Variants in PIGF observed in about 807,000 individuals in gnomAD.
PIGF encodes the protein GPI ethanolamine phosphate transferase, stabilizing subunit.
PIGF carries 23 observed loss-of-function variants against 26.0 expected under a neutral mutation model. That is an observed-to-expected ratio of 0.88 (90% confidence interval 0.64 to 1.25). The LOEUF (loss-of-function observed/expected upper bound fraction) is 1.25. Among genes scored for constraint, PIGF ranks in the 50% most tolerant of loss-of-function variants. The pLI, the probability that PIGF is intolerant of heterozygous loss-of-function variation, is 0.00. For missense variants in PIGF, 278 were observed against 249.9 expected, an observed-to-expected ratio of 1.11 and a Z score of -0.76; for synonymous variants, 93 against 92.6, an observed-to-expected ratio of 1.00 and a Z score of -0.03.
At chr2:46,585,350 C>G (rs766182291) in intron 5 of PIGF, among the ~76,000 whole-genome samples, 21 of 152,072 alleles carry the variant, frequency 1.4e-4, no homozygotes, top group Non-Finnish European at 8.8e-5. Flanking sequence ...GAAGAAACAA[C>G]CTATGGTGTA....
chr2:46,595,638 T>C (rs1383305678), intron 4 of PIGF, among the ~76,000 whole-genome samples: 2 of 152,228 alleles, frequency 1.3e-5, no homozygotes, highest in Non-Finnish European at 2.9e-5. Context: ...TGTTAGGTCC[T>C]ATGGAAACTC....
intron 5 of PIGF, chr2:46,582,571 C>A (rs1018022035): frequency 6.6e-6 from 1 of 152,406 alleles, no homozygotes; most frequent in African/African-American, 2.4e-5. Flanking sequence ...GAAACAATCT[C>A]ATCACATTTT....
chr2:46,585,500 C>T (rs147625019), intron 5 of PIGF, among the ~76,000 whole-genome samples: 3 of 152,174 alleles, frequency 2.0e-5, no homozygotes, highest in African/African-American at 7.2e-5. Context: ...CTCAGTTTCC[C>T]CTACAGAACA....
At chr2:46,597,380 G>T (rs975170160) in intron 4 of PIGF, among the ~76,000 whole-genome samples, 7 of 151,704 alleles carry the variant, frequency 4.6e-5, no homozygotes, top group Admixed American at 3.9e-4. Context: ...TAATTTTTGG[G>T]AATCATTCTG....
chr2:46,609,767 A>C (rs34544165), intron 4 of PIGF, among the ~76,000 whole-genome samples: 1 of 152,096 alleles, frequency 6.6e-6, no homozygotes, highest in African/African-American at 2.4e-5. Flanking sequence ...GAAGATGTAC[A>C]ACATTTATTA....
chr2:46,612,314 A>T lies in PIGF; in HGVS notation c.351T>A (p.Val117=). The T allele has an allele frequency of 6.8e-7, 1 of 1,467,760 alleles. No individual in the cohort carries two copies. The highest frequency in any genetic ancestry group is 1.4e-5 in the South Asian group (1 of 71,788). 90.9% of individuals were successfully genotyped at this position (1,467,760 alleles called of 1,614,324 possible). A position where few individuals can be genotyped will look rare whatever the true frequency, so the allele number is the denominator to read the frequency against. The change falls in exon 4 of 6, where the codon GTT becomes GTA. Residue 117 remains valine (V), a synonymous_variant. Coordinates refer to ENST00000281382, the MANE Select transcript of PIGF (RefSeq NM_002643.4). ...GCACAGTAGTAAAAGTAGACAAAAT[A>T]ACTGCAAATAAAAATGTTTCCAATG... ...ELALETFLFA[V]ILSTFTTVPC...
intron 1 of PIGF, 55 bp downstream of exon 1, chr2:46,616,915 G>A (rs1018372101): frequency 7.5e-6 from 3 of 401,518 alleles, no homozygotes; most frequent in Admixed American, 4.4e-5. Context: ...GGCAATTCGC[G>A]GGGGTAGCTT....
At chr2:46,608,773 A>AT (rs549196464) in intron 4 of PIGF, among the ~76,000 whole-genome samples, 17 of 150,710 alleles carry the variant, frequency 1.1e-4, no homozygotes, top group South Asian at 4.2e-4. Context: ...TTTTGAAAGG[A>AT]TTTTTTTTTT....
rs1417122693 is a variant in PIGF at position 46,611,580 on chromosome 2, C to A, written c.437+648G>T. On this transcript the variant is annotated intron_variant, in intron 4 of 5. Coordinates refer to ENST00000281382, the MANE Select transcript of PIGF (RefSeq NM_002643.4). ...GCACAGACTAAGTGCTCAAGAAGTT[C>A]TTGCTGCTGGGTGATAAATAGGAAA... is the stretch of plus-strand genomic sequence containing the variant. Among the ~76,000 whole-genome samples the A allele has an allele frequency of 2.0e-5, 3 of 152,062 alleles. No individual in the cohort carries two copies. In the East Asian group the frequency reaches 5.8e-4, roughly 29 times the overall value.
intron 2 of PIGF, chr2:46,614,144 T>C (rs140942837): frequency 5.5e-4 from 87 of 158,848 alleles, no homozygotes; most frequent in Middle Eastern, 6.1e-3. Flanking sequence ...TATGCGATGA[T>C]AGAGGAAATA....
At chr2:46,591,737 G>T in intron 5 of PIGF, 1 of 1,147,912 alleles carries the variant, frequency 8.7e-7, no homozygotes. Flanking sequence ...GTGACCTTGG[G>T]AATGTTACAT....
chr2:46,612,799 C>G (rs1670467676), intron 3 of PIGF, among the ~76,000 whole-genome samples: 2 of 152,126 alleles, frequency 1.3e-5, no homozygotes, highest in African/African-American at 4.8e-5. Flanking sequence ...GCTGGATAAA[C>G]TAAAGATTGG....
Position 46,615,037 on chromosome 2 carries a change from C to G in PIGF, c.128G>C (p.Trp43Ser). Residue 43 changes from tryptophan (W) to serine (S), a missense_variant, in exon 2 of 6, where the codon TGG becomes TCG. Coordinates refer to ENST00000281382, the MANE Select transcript of PIGF (RefSeq NM_002643.4). ...TACAAAACCAGAACAGATGCACAAC[C>G]ATGTCAAGTGTGTTTCCAATATTGA... ...NFSILETHLT[W>S]LCICSGFVTA... 6.2e-6 allele frequency: 10 copies of G among 1,606,452 alleles called. No individual in the cohort carries two copies. The highest frequency in any genetic ancestry group is 1.7e-5 in the Admixed American group (1 of 60,012).
In PIGF at chr2:46,589,041, C is replaced by A. The variant is rs1298094546; in HGVS notation, c.546+3434G>T. The stretch of plus-strand genomic sequence containing the variant: ...AAGCCTATCTGGATTATGGGAAATT[C>A]AAATATTTGTTTTCTTGCTGAGATT... On this transcript the variant is annotated intron_variant, in intron 5 of 5. Coordinates refer to ENST00000281382, the MANE Select transcript of PIGF (RefSeq NM_002643.4). This position sits in a 1 kb window ranked among gnomAD's most constrained non-coding sequence, Gnocchi z 4.7. 6.6e-6 allele frequency among the ~76,000 whole-genome samples: 1 copy of A among 152,022 alleles called. No homozygotes were observed. Among genetic ancestry groups the A allele is most frequent in the Non-Finnish European group, 1.5e-5 (1 of 67,930 alleles).
Position 46,610,777 on chromosome 2 carries a change from G to A in PIGF, c.437+1451C>T, listed in dbSNP as rs530546514. On this transcript the variant is annotated intron_variant, in intron 4 of 5. Coordinates refer to ENST00000281382, the MANE Select transcript of PIGF (RefSeq NM_002643.4). ...ACTCCTGACCTCAGGTGATCCACCC[G>A]CCTTGGCCTCCCAAAGTGCTGAGAT... 2.7e-3 allele frequency among the ~76,000 whole-genome samples: 413 copies of A among 152,034 alleles called. 3 individuals are homozygous for A. The highest frequency in any genetic ancestry group is 9.1e-3 in the African/African-American group (379 of 41,458).
intron 5 of PIGF, chr2:46,582,291 A>AT (rs1422121066): frequency 6.6e-6 from 1 of 152,038 alleles, no homozygotes. Context: ...GAAAAAAAAA[A>AT]GAAAAAAAAG....
chr2:46,586,803 C>T (rs1251659288), intron 5 of PIGF, among the ~76,000 whole-genome samples: 1 of 152,164 alleles, frequency 6.6e-6, no homozygotes, highest in African/African-American at 2.4e-5. Context: ...ATGTTATTGT[C>T]TGATACAGGA....
In PIGF at chr2:46,592,345, G is replaced by A. The variant is rs1483171678; in HGVS notation, c.546+130C>T. On this transcript the variant is annotated intron_variant, in intron 5 of 5. Coordinates refer to ENST00000281382, the MANE Select transcript of PIGF (RefSeq NM_002643.4). ...ATTAAGAAGCTGCCCAGATTACAGT[G>A]ACTGATAGAAGTGGTATCCCTACTT... The A allele has an allele frequency of 1.1e-5, 7 of 630,616 alleles. No homozygotes were observed. The East Asian group carries it at 1.7e-4, about 15-fold the overall frequency. 39.1% of individuals were successfully genotyped at this position (630,616 alleles called of 1,614,324 possible).
intron 5 of PIGF, among the ~76,000 whole-genome samples, chr2:46,587,639 A>T (rs1232792696): frequency 6.6e-6 from 1 of 152,216 alleles, no homozygotes; most frequent in Non-Finnish European, 1.5e-5. Flanking sequence ...AGAAATAAGC[A>T]TCCTAGCCGA....
Sources: allele counts gnomAD v4.1 joint callset (sites outside exome capture counted in the v4.1 genomes callset), GRCh38; gene constraint gnomAD v4.1.1; non-coding constraint Gnocchi (gnomAD v3.1); transcripts MANE v1.5; gene names NCBI Gene and HGNC (gene_info 2026-07-23, HGNC 2026-07-21).